Variants in PTPRT observed in about 807,000 individuals in gnomAD.
The protein encoded by PTPRT is protein tyrosine phosphatase receptor type T.
In PTPRT, 56 loss-of-function variants were observed where a neutral mutation model predicts 176.8. The observed-to-expected ratio is 0.32, with a 90% CI of 0.26 to 0.40. The LOEUF is 0.40. PTPRT is among the 10% of genes least tolerant of loss of function. The pLI is 1.00. For synonymous variants in PTPRT, 783 were observed against 739.0 expected, an observed-to-expected ratio of 1.06 and a Z score of -0.96; for missense variants, 1,540 against 1,908.2, an observed-to-expected ratio of 0.81 and a Z score of 3.60.
At chr20:42,635,149 G>C (rs2074566913) in intron 7 of PTPRT, among the ~76,000 whole-genome samples, 2 of 152,124 alleles carry the variant, frequency 1.3e-5, no homozygotes, top group African/African-American at 4.8e-5. Flanking sequence ...CTTGGTCTGA[G>C]AGGTTTCATA....
At chr20:42,974,938 T>TA (rs1311858611) in intron 1 of PTPRT, among the ~76,000 whole-genome samples, 1 of 152,230 alleles carries the variant, frequency 6.6e-6, no homozygotes. Context: ...GCATCATCTC[T>TA]ATTTCCAAGG....
intron 9 of PTPRT, among the ~76,000 whole-genome samples, chr20:42,426,068 T>C (rs4812599): frequency 0.7 from 106,768 of 151,880 alleles, 37,602 homozygotes; most frequent in East Asian, 0.77. Flanking sequence ...GTGTGTTTCA[T>C]AGTGATACGG....
intron 7 of PTPRT, among the ~76,000 whole-genome samples, chr20:42,632,714 C>A (rs879392437): frequency 2.8e-4 from 42 of 150,042 alleles, no homozygotes; most frequent in Non-Finnish European, 5.2e-4. Flanking sequence ...TAATATATAT[C>A]TTTTACTATA....
In PTPRT at chr20:42,648,820, GT is replaced by G. The variant is rs68036487; in HGVS notation, c.1153+29045del. ...GGGGATTTTTTTTTTTGGTGTCGTT[GT>G]TTTTTTTTTTTTTTTTTGACAGAGT... On this transcript the variant is annotated intron_variant, in intron 7 of 30. Coordinates refer to ENST00000373187, the MANE Select transcript of PTPRT (RefSeq NM_007050.6). Among the ~76,000 whole-genome samples the G allele has an allele frequency of 7.9e-3, 885 of 111,806 alleles. 12 individuals are homozygous for G. The highest frequency in any genetic ancestry group is 0.029 in the African/African-American group (766 of 26,868). 73.3% of individuals were successfully genotyped at this position (111,806 alleles called of 152,430 possible). A position where few individuals can be genotyped will look rare whatever the true frequency, so the allele number is the denominator to read the frequency against.
intron 7 of PTPRT, among the ~76,000 whole-genome samples, chr20:42,659,013 T>C (rs1030195483): frequency 1.3e-5 from 2 of 152,204 alleles, no homozygotes; most frequent in African/African-American, 2.4e-5. Flanking sequence ...ATAATCTCCA[T>C]GTGGTGGGGT....
At chr20:42,814,000 T>C (rs1327534484) in intron 2 of PTPRT, among the ~76,000 whole-genome samples, 1 of 152,188 alleles carries the variant, frequency 6.6e-6, no homozygotes, top group East Asian at 1.9e-4. Flanking sequence ...CAAGCCATTT[T>C]TTCTTATTAC....
intron 12 of PTPRT, among the ~76,000 whole-genome samples, chr20:42,306,448 A>T (rs6030123): frequency 7.4e-4 from 113 of 152,312 alleles, no homozygotes; most frequent in African/African-American, 2.6e-3. Context: ...GGTGACAGAC[A>T]AGAGCTGTGA....
intron 7 of PTPRT, among the ~76,000 whole-genome samples, chr20:42,573,512 C>A (rs952142506): frequency 6.6e-6 from 1 of 152,160 alleles, no homozygotes; most frequent in Non-Finnish European, 1.5e-5. Context: ...TGGTCTCAGA[C>A]TGGGAGAAAT....
Position 43,116,345 on chromosome 20 carries a change from G to T in PTPRT, c.88+73301C>A, listed in dbSNP as rs538766738. On this transcript the variant is annotated intron_variant, in intron 1 of 30. Coordinates refer to ENST00000373187, the MANE Select transcript of PTPRT (RefSeq NM_007050.6). Reference sequence around the variant, plus strand: ...AAAACCAGAATACACAAGGTGGTGGGGGATTAAATGAGATCAGGCAAGCAA... The same window carrying T: ...AAAACCAGAATACACAAGGTGGTGGTGGATTAAATGAGATCAGGCAAGCAA... Among the ~76,000 whole-genome samples, 13 of 152,216 alleles carry T rather than the reference G, an allele frequency of 8.5e-5. 1 individual carries two copies. In the South Asian group the frequency reaches 2.7e-3, roughly 32 times the overall value.
At chr20:43,037,280 C>T (rs1986420847) in intron 1 of PTPRT, among the ~76,000 whole-genome samples, 2 of 152,206 alleles carry the variant, frequency 1.3e-5, no homozygotes, top group South Asian at 4.1e-4. Flanking sequence ...ACTACATCTC[C>T]TAGAAATGCA....
At chr20:42,268,427 G>T (rs2056875404) in intron 13 of PTPRT, among the ~76,000 whole-genome samples, 1 of 152,102 alleles carries the variant, frequency 6.6e-6, no homozygotes, top group Non-Finnish European at 1.5e-5. Context: ...AGCAGAAACG[G>T]AACAGCTCGC....
chr20:43,186,670 C>T (rs2015401704), intron 1 of PTPRT, among the ~76,000 whole-genome samples: 1 of 152,190 alleles, frequency 6.6e-6, no homozygotes. Flanking sequence ...ATATGGTCTG[C>T]TTTTACTATG....
intron 8 of PTPRT, among the ~76,000 whole-genome samples, chr20:42,449,266 T>C (rs928193015): frequency 4.6e-5 from 7 of 152,168 alleles, no homozygotes; most frequent in South Asian, 2.1e-4. Flanking sequence ...AATAGGTGAA[T>C]GAATGACCTA....
At chr20:42,555,142 A>T (rs6065510) in intron 7 of PTPRT, among the ~76,000 whole-genome samples, 3,483 of 152,178 alleles carry the variant, frequency 0.023, 60 homozygotes, top group Non-Finnish European at 0.036. Context: ...TTGCTGCTAC[A>T]CTCCTGGGGA....
At chr20:42,823,510 T>C (rs1365943393) in intron 2 of PTPRT, among the ~76,000 whole-genome samples, 2 of 151,996 alleles carry the variant, frequency 1.3e-5, no homozygotes, top group African/African-American at 4.8e-5. Flanking sequence ...ATTTCTTCCT[T>C]TTTTTAGAAT....
At position 42,733,861 on chromosome 20, in the gene PTPRT, T is replaced by C. The variant is rs547858695; in HGVS notation, c.859+22601A>G. Among the ~76,000 whole-genome samples, 49 of 152,222 alleles carry C rather than the reference T, an allele frequency of 3.2e-4. 1 individual carries two copies. The highest frequency in any genetic ancestry group is 1.2e-3 in the African/African-American group (49 of 41,546). On this transcript the variant is annotated intron_variant, in intron 6 of 30. Transcript: ENST00000373187. The stretch of plus-strand genomic sequence containing the variant: ...GGAGAAGCAGGCACGAGGGATGTAC[T>C]GGGAGTAGGGAGGAAGGCCTTGGCC...
intron 1 of PTPRT, among the ~76,000 whole-genome samples, chr20:42,956,557 C>T (rs964029674): frequency 3.3e-5 from 5 of 152,112 alleles, no homozygotes; most frequent in Admixed American, 6.6e-5. Context: ...TGGAAGCCTG[C>T]AGAACCAGGA....
chr20:42,355,793 T>C (rs2058350672), intron 9 of PTPRT, among the ~76,000 whole-genome samples: 1 of 152,170 alleles, frequency 6.6e-6, no homozygotes, highest in Admixed American at 6.5e-5. Context: ...ACTACATTGA[T>C]ATACAGACAC....
At chr20:42,683,649 A>C (rs1024650294) in intron 6 of PTPRT, among the ~76,000 whole-genome samples, 2 of 152,242 alleles carry the variant, frequency 1.3e-5, no homozygotes, top group Admixed American at 1.3e-4. Flanking sequence ...ACTTTCGTGT[A>C]GCACAGGGCT....
Sources: allele counts gnomAD v4.1 joint callset (sites outside exome capture counted in the v4.1 genomes callset), GRCh38; gene constraint gnomAD v4.1.1; transcripts MANE v1.5; gene names NCBI Gene and HGNC (gene_info 2026-07-23, HGNC 2026-07-21).